SPTBN5: variants seen among roughly 807,000 people sequenced by gnomAD.
SPTBN5 encodes spectrin beta, non-erythrocytic 5.
SPTBN5 carries 513 observed loss-of-function variants against 477.6 expected under a neutral mutation model. The observed-to-expected ratio is 1.07, with a 90% CI of 1.00 to 1.16. The LOEUF (loss-of-function observed/expected upper bound fraction) is 1.16, where lower values mean the gene tolerates loss of function less well. Ranked by LOEUF, SPTBN5 falls within the 50% of genes most tolerant of loss-of-function variation. The pLI is 0.00. For missense variants in SPTBN5, 5,062 were observed against 4,731.8 expected (o/e 1.07, Z -2.05); for synonymous variants, 2,169 against 2,011.7 (o/e 1.08, Z -2.09).
At position 41,877,162 on chromosome 15, in the gene SPTBN5, G is replaced by T. The variant is rs778754630; in HGVS notation, c.3665C>A (p.Ala1222Asp). The change falls in exon 18 of 68, where the codon GCC (alanine) becomes GAC (aspartate). Residue 1222 changes from alanine (A) to aspartate (D), a missense_variant. Transcript: ENST00000320955. ...KFGREVDGFT[A>D]TCANHQAWLH... is the part of the protein sequence containing the mutation. ...CCAGGCCTGGTGGTTGGCACAGGTG[G>T]CAGTGAAACCATCCACTTCTCGGCC... 1.2e-6 allele frequency: 2 copies of T among 1,613,854 alleles called. No individual in the cohort carries two copies. Among genetic ancestry groups the T allele is most frequent in the African/African-American group, 1.3e-5 (1 of 74,926 alleles).
chr15:41,854,188 A>G lies in SPTBN5; in HGVS notation c.9636T>C (p.His3212=), dbSNP rs773217966. 1.9e-6 allele frequency: 3 copies of G among 1,599,674 alleles called. No homozygotes were observed. Among genetic ancestry groups the G allele is most frequent in the East Asian group, 2.3e-5 (1 of 44,254 alleles). The change falls in exon 57 of 68, where the codon CAT becomes CAC. Residue 3212 remains histidine, a synonymous_variant. Transcript: ENST00000320955. ...CTGCCTGCTGAAAGCTGTGGACCTC[A>G]TGGGCTGCAGCCAAGTTCTGGGAGA... The part of the protein sequence containing the change: ...KARTENLAAA[H]EVHSFQQAAA...
At position 41,853,148 on chromosome 15, in the gene SPTBN5, C is replaced by T. The variant is rs1034208223; in HGVS notation, c.10170+110G>A. 14 of 1,478,624 alleles carry T rather than the reference C, an allele frequency of 9.5e-6. 1 individual carries two copies. In the South Asian group the frequency reaches 9.5e-5, roughly 10 times the overall value. 91.6% of individuals were successfully genotyped at this position (1,478,624 alleles called of 1,614,324 possible). On this transcript the variant is annotated intron_variant, in intron 59 of 67. Transcript: ENST00000320955. ...CCTTCCCAGCCTCTCTCCCTGCCTGCGCCCAGCCTTCCTTTCCTGCTGGTT... is the reference window on the plus strand; with the variant it reads ...CCTTCCCAGCCTCTCTCCCTGCCTGTGCCCAGCCTTCCTTTCCTGCTGGTT...
intron 26 of SPTBN5, among the ~76,000 whole-genome samples, chr15:41,872,963 C>T (rs760429328): frequency 1.3e-5 from 2 of 152,182 alleles, no homozygotes; most frequent in Non-Finnish European, 1.5e-5. Flanking sequence ...CAGCAGGAAC[C>T]GGGACTGCCG....
Position 41,851,820 on chromosome 15 carries a change from A to G in SPTBN5, c.10615T>C (p.Ser3539Pro). 1 of 1,610,166 alleles carries G rather than the reference A, an allele frequency of 6.2e-7. No individual in the cohort carries two copies. Among genetic ancestry groups the G allele is most frequent in the African/African-American group, 1.3e-5 (1 of 74,726 alleles). Reference protein sequence around the residue: ...DAKGTPTMEGSLEFKQHLLPG... With the variant: ...DAKGTPTMEGPLEFKQHLLPG... ...AGCAGGTGCTGCTTGAACTCCAAAG[A>G]CCCCTCCATGGTGGGGGTACCCTTT... is the stretch of plus-strand genomic sequence containing the variant. Residue 3539 changes from serine to proline, a missense_variant, in exon 63 of 68, where the codon TCT becomes CCT. Ser to Pro is a moderately conservative substitution (Grantham distance 74, BLOSUM62 -1). Transcript: ENST00000320955.
At chr15:41,857,787 C>G in intron 49 of SPTBN5, 77 bp from the exon 50 acceptor site, 9 of 1,489,448 alleles carry the variant, frequency 6.0e-6, no homozygotes, top group South Asian at 2.5e-5. Flanking sequence ...CTCTGACCAC[C>G]AGCACTAGAG....
chr15:41,868,595 C>G lies in SPTBN5; in HGVS notation c.5860G>C (p.Asp1954His), dbSNP rs2066422819. ...ACGCGGGCTGCCCAGGAGGCATAGTCACGCACCTGATCCCGGGGACACGGA... is the reference window on the plus strand; with the variant it reads ...ACGCGGGCTGCCCAGGAGGCATAGTGACGCACCTGATCCCGGGGACACGGA... ...LLARFRTAVR[D>H]YASWAARVRQ... The change falls in exon 33 of 68, where the codon GAC becomes CAC. Residue 1954 changes from aspartate to histidine, a missense_variant. Physicochemically the swap from Asp to His is moderately conservative, Grantham distance 81. Coordinates refer to ENST00000320955, the MANE Select transcript of SPTBN5 (RefSeq NM_016642.4). 1.3e-6 allele frequency: 2 copies of G among 1,598,994 alleles called. No individual in the cohort carries two copies. The highest frequency in any genetic ancestry group is 2.7e-5 in the African/African-American group (2 of 74,912).
intron 3 of SPTBN5, among the ~76,000 whole-genome samples, chr15:41,891,976 G>A (rs562055993): frequency 6.6e-6 from 1 of 152,288 alleles, no homozygotes; most frequent in African/African-American, 2.4e-5. Context: ...AGTTCCTGGA[G>A]GGGAGATGAC....
Position 41,886,010 on chromosome 15 carries a change from C to A in SPTBN5, c.1245G>T (p.Gln415His). 6.4e-7 allele frequency: 1 copy of A among 1,551,260 alleles called. No homozygotes were observed. The highest frequency in any genetic ancestry group is 1.2e-5 in the South Asian group (1 of 83,204). ...WAEAARSQAL[Q>H]QRLLQLQRLE... ...GCCGCTGCAGCTGCAGTAGCCTCTG[C>A]TGCAGGGCCTGGCTCCTTGCAGCCT... The change falls in exon 7 of 68, where the codon CAG becomes CAT. Residue 415 changes from glutamine (Q) to histidine (H), a missense_variant. Physicochemically the swap from Gln to His is conservative, Grantham distance 24. Coordinates refer to ENST00000320955, the MANE Select transcript of SPTBN5 (RefSeq NM_016642.4).
Position 41,862,194 on chromosome 15 carries a change from G to A in SPTBN5, c.7484C>T (p.Thr2495Met), listed in dbSNP as rs373934946. 2.6e-5 allele frequency: 42 copies of A among 1,610,178 alleles called. No individual in the cohort carries two copies. Among genetic ancestry groups the A allele is most frequent in the Middle Eastern group, 1.7e-4 (1 of 6,052 alleles). ...SAQRLRAQMD[T>M]SPAPRSPVEA... The stretch of plus-strand genomic sequence containing the variant: ...CACAGGGCTGCGAGGAGCGGGGCTC[G>A]TGTCCATCTGAGCCCGCAGCCTCTG... Residue 2495 changes from threonine (T) to methionine (M), a missense_variant, in exon 44 of 68, where the codon ACG (threonine) becomes ATG (methionine). Thr to Met is a moderately conservative substitution (Grantham distance 81). Transcript: ENST00000320955.
At chr15:41,868,826 T>C (rs74597978) in intron 32 of SPTBN5, among the ~76,000 whole-genome samples, 9,468 of 152,252 alleles carry the variant, frequency 0.062, 379 homozygotes, top group South Asian at 0.12. Context: ...GCCAGACCCT[T>C]ACCACGACAC....
At chr15:41,889,998 T>G in intron 4 of SPTBN5, 91 bp downstream of exon 4, 2 of 795,820 alleles carry the variant, frequency 2.5e-6, no homozygotes, top group South Asian at 3.1e-5. Context: ...ATCATAAAAG[T>G]TGTGTGGAAC....
intron 5 of SPTBN5, 66 bp downstream of exon 5, chr15:41,887,862 G>C (rs1292092769): frequency 6.6e-7 from 1 of 1,510,582 alleles, no homozygotes; most frequent in Non-Finnish European, 9.0e-7. Flanking sequence ...CGGGTGGGCT[G>C]AGGACCCAAA....
At chr15:41,864,569 C>A (rs1023833546) in intron 39 of SPTBN5, among the ~76,000 whole-genome samples, 5 of 152,248 alleles carry the variant, frequency 3.3e-5, no homozygotes, top group African/African-American at 7.2e-5. Context: ...CCGCCTTGGC[C>A]TCCCAAACTG....
chr15:41,887,630 CAG>C (rs1414172626), intron 5 of SPTBN5, among the ~76,000 whole-genome samples, 189 bp from the exon 6 acceptor site: 1 of 152,182 alleles, frequency 6.6e-6, no homozygotes. Context: ...TCATTCGGCA[CAG>C]GGACCAGGCT....
chr15:41,887,725 G>C (rs1332417811), intron 5 of SPTBN5, among the ~76,000 whole-genome samples: 1 of 152,206 alleles, frequency 6.6e-6, no homozygotes, highest in African/African-American at 2.4e-5. Context: ...AAGTGGAGAA[G>C]GCTGGGGTCA....
chr15:41,853,811 G>C (rs1361196468), intron 57 of SPTBN5, 24 bp from the exon 58 acceptor site: 1 of 1,533,362 alleles, frequency 6.5e-7, no homozygotes, highest in Non-Finnish European at 8.8e-7. Flanking sequence ...ATGAGATCAG[G>C]CCTCAGTCCC....
chr15:41,850,118 A>G, intron 66 of SPTBN5, 159 bp from the exon 67 acceptor site: 1 of 636,324 alleles, frequency 1.6e-6, no homozygotes. Context: ...CGGGCTGAGC[A>G]CTTGTGGGCA....
chr15:41,874,623 G>T, intron 23 of SPTBN5, 145 bp from the exon 24 acceptor site: 2 of 854,684 alleles, frequency 2.3e-6, no homozygotes, highest in Non-Finnish European at 3.6e-6. Flanking sequence ...GGCAGTGGAA[G>T]GGCGCCAGGG....
At chr15:41,872,806 A>G (rs2066592318) in intron 26 of SPTBN5, among the ~76,000 whole-genome samples, 1 of 152,202 alleles carries the variant, frequency 6.6e-6, no homozygotes. Context: ...GAGTTAAACA[A>G]GCTGTCCAGT....
Sources: allele counts gnomAD v4.1 joint callset (sites outside exome capture counted in the v4.1 genomes callset), GRCh38; gene constraint gnomAD v4.1.1; transcripts MANE v1.5; gene names NCBI Gene and HGNC (gene_info 2026-07-23, HGNC 2026-07-21).